Variants in EXOC4 observed in about 807,000 individuals in gnomAD.
EXOC4 encodes the protein exocyst complex component 4.
Under a neutral mutation model 107.2 loss-of-function variants are expected in EXOC4, and 71 were observed. That is an observed-to-expected ratio of 0.66 (90% confidence interval 0.55 to 0.81). The LOEUF (loss-of-function observed/expected upper bound fraction) is 0.81, where lower values mean the gene tolerates loss of function less well. Ranked by LOEUF, EXOC4 falls within the 30% of genes least tolerant of loss-of-function variation. EXOC4 has a pLI of 0.00. For missense variants in EXOC4, 1,108 were observed against 1,189.6 expected (o/e 0.93, Z 1.01); for synonymous variants, 456 against 441.2 (o/e 1.03, Z -0.42).
chr7:133,513,083 T>C (rs7796346), intron 9 of EXOC4, among the ~76,000 whole-genome samples: 151,741 of 152,322 alleles, frequency 1, 75,587 homozygotes, highest in Middle Eastern at 1. Flanking sequence ...CCATCTTGGG[T>C]GACAGAGCAA....
chr7:133,670,159 T>G (rs1793914345), intron 10 of EXOC4, among the ~76,000 whole-genome samples: 1 of 152,242 alleles, frequency 6.6e-6, no homozygotes, highest in African/African-American at 2.4e-5. Flanking sequence ...CCTACATTGC[T>G]AAGGTGCATA....
intron 6 of EXOC4, among the ~76,000 whole-genome samples, chr7:133,374,464 T>C (rs566291265): frequency 2.0e-5 from 3 of 152,222 alleles, no homozygotes; most frequent in African/African-American, 7.2e-5. Context: ...CTGAAAAAAT[T>C]ACATGAATTC....
At chr7:133,340,423 C>CTTTTTTTTTTTTTTTT (rs200341512) in intron 5 of EXOC4, among the ~76,000 whole-genome samples, 1 of 129,558 alleles carries the variant, frequency 7.7e-6, no homozygotes, top group Non-Finnish European at 1.7e-5. Flanking sequence ...TAGTATTTTT[C>CTTTTTTTTTTTTTTTT]TTTTTTTTTT....
At chr7:133,987,083 C>G (rs1794132043) in intron 14 of EXOC4, among the ~76,000 whole-genome samples, 1 of 152,014 alleles carries the variant, frequency 6.6e-6, no homozygotes. Flanking sequence ...TCAGAGTTGT[C>G]TTAAGACCTG....
chr7:133,885,590 C>T (rs931855029), intron 11 of EXOC4, among the ~76,000 whole-genome samples: 1 of 152,164 alleles, frequency 6.6e-6, no homozygotes, highest in Non-Finnish European at 1.5e-5. Flanking sequence ...GTGATTACCA[C>T]ACTCCAGTGA....
At chr7:133,620,031 AGTTT>A (rs1802290868) in intron 9 of EXOC4, among the ~76,000 whole-genome samples, 2 of 147,426 alleles carry the variant, frequency 1.4e-5, no homozygotes, top group South Asian at 4.3e-4. Flanking sequence ...TGTTGTTGTT[AGTTT>A]GTTTTGAGAC....
intron 10 of EXOC4, among the ~76,000 whole-genome samples, chr7:133,674,046 A>G (rs993296162): frequency 6.6e-6 from 1 of 152,166 alleles, no homozygotes; most frequent in African/African-American, 2.4e-5. Context: ...AAGGCAAGGA[A>G]TTTGTGTCAC....
intron 9 of EXOC4, among the ~76,000 whole-genome samples, chr7:133,565,317 T>C (rs1311228026): frequency 6.6e-6 from 1 of 152,212 alleles, no homozygotes; most frequent in African/African-American, 2.4e-5. Context: ...TCAATAATTA[T>C]AGTCTCCTCA....
chr7:133,970,418 C>T (rs918879837), intron 14 of EXOC4, among the ~76,000 whole-genome samples: 1 of 148,370 alleles, frequency 6.7e-6, no homozygotes, highest in Admixed American at 6.8e-5. Flanking sequence ...GTAGCTAGCT[C>T]AGTGTCTGCC....
At chr7:133,765,065 A>G (rs1005182519) in intron 10 of EXOC4, among the ~76,000 whole-genome samples, 5 of 152,108 alleles carry the variant, frequency 3.3e-5, no homozygotes, top group East Asian at 1.9e-4. Context: ...GAAGTCCTAC[A>G]TAGAGGTAGA....
intron 14 of EXOC4, among the ~76,000 whole-genome samples, chr7:133,990,661 G>A (rs566956927): frequency 6.6e-6 from 1 of 152,172 alleles, no homozygotes; most frequent in South Asian, 2.1e-4. Context: ...TCAGCATGTT[G>A]GCCGGGCTGG....
rs559128849 is a variant in EXOC4, at chr7:133,890,468, T to C, written c.1735-5131T>C. On this transcript the variant is annotated intron_variant, in intron 11 of 17. Transcript: ENST00000253861. The stretch of plus-strand genomic sequence containing the variant: ...CAATTTTGGCTTTGGTTGCCATTGC[T>C]TTTGGTGTTTTGGACATGAAGTCCT... Among the ~76,000 whole-genome samples, 109 of 133,168 alleles carry C rather than the reference T, an allele frequency of 8.2e-4. 3 individuals are homozygous for C. The highest frequency in any genetic ancestry group is 1.5e-3 in the Non-Finnish European group (96 of 64,518). The allele number at this position is 133,168 out of a possible 152,430, so 87.4% of individuals were successfully genotyped here.
chr7:133,954,540 C>A (rs556125364), intron 14 of EXOC4, among the ~76,000 whole-genome samples: 4 of 152,262 alleles, frequency 2.6e-5, no homozygotes, highest in Non-Finnish European at 4.4e-5. Context: ...TACTATTAAT[C>A]TGGACACAAA....
intron 10 of EXOC4, among the ~76,000 whole-genome samples, chr7:133,680,580 C>G (rs1230547503): frequency 6.6e-6 from 1 of 152,216 alleles, no homozygotes; most frequent in Admixed American, 6.5e-5. Flanking sequence ...CAAGCAAGAA[C>G]TCTCCACCCC....
At chr7:133,611,934 A>G (rs1802083907) in intron 9 of EXOC4, among the ~76,000 whole-genome samples, 1 of 152,186 alleles carries the variant, frequency 6.6e-6, no homozygotes, top group African/African-American at 2.4e-5. Context: ...CATGAAAATA[A>G]TCTCATTTAC....
At chr7:133,800,778 C>T (rs1336579847) in intron 10 of EXOC4, among the ~76,000 whole-genome samples, 2 of 152,188 alleles carry the variant, frequency 1.3e-5, no homozygotes, top group Admixed American at 1.3e-4. Context: ...TGTGGGTAGG[C>T]AGGCATCTTC....
At chr7:133,571,419 A>C (rs1367891641) in intron 9 of EXOC4, among the ~76,000 whole-genome samples, 1 of 152,204 alleles carries the variant, frequency 6.6e-6, no homozygotes, top group African/African-American at 2.4e-5. Context: ...TTATGCCTGT[A>C]ATCCCAGCAT....
At chr7:133,338,770 T>G (rs113969385) in intron 5 of EXOC4, among the ~76,000 whole-genome samples, 2 of 111,364 alleles carry the variant, frequency 1.8e-5, no homozygotes, top group Non-Finnish European at 3.8e-5. Flanking sequence ...TTTTTTTTTT[T>G]CAGACAGAGT....
chr7:133,774,189 TCCC>T (rs1329167433), intron 10 of EXOC4, among the ~76,000 whole-genome samples: 3 of 152,046 alleles, frequency 2.0e-5, no homozygotes, highest in African/African-American at 7.2e-5. Context: ...GCCATTAACA[TCCC>T]CGAAGAGCCA....
Sources: gnomAD v4.1 joint callset for allele counts (sites outside exome capture counted in the v4.1 genomes callset) on GRCh38, gnomAD v4.1.1 for gene constraint, MANE v1.5 for transcripts, NCBI Gene and HGNC (gene_info 2026-07-23, HGNC 2026-07-21) for gene names.